The following CDH13 variants were observed in gnomAD, a reference collection of about 807,000 sequenced individuals.
CDH13 encodes cadherin-13.
CDH13 carries 24 observed loss-of-function variants against 63.8 expected under a neutral mutation model. That is an observed-to-expected ratio of 0.38 (90% CI 0.27 to 0.53). The LOEUF (loss-of-function observed/expected upper bound fraction) is 0.53, where lower values mean the gene tolerates loss of function less well. Ranked by LOEUF, CDH13 falls within the 20% of genes least tolerant of loss-of-function variation. The pLI is 0.85. For missense variants in CDH13, 1,049 were observed against 903.1 expected (o/e 1.16, Z -2.07); for synonymous variants, 503 against 355.3 (o/e 1.42, Z -4.67).
At chr16:83,715,383 G>A (rs1028487198) in intron 10 of CDH13, among the ~76,000 whole-genome samples, 4 of 152,156 alleles carry the variant, frequency 2.6e-5, no homozygotes, top group African/African-American at 9.7e-5. Context: ...CCTGGCAGGT[G>A]GTGCCAGGAT....
chr16:83,185,013 C>T (rs2038474626), intron 4 of CDH13, among the ~76,000 whole-genome samples: 1 of 151,572 alleles, frequency 6.6e-6, no homozygotes, highest in African/African-American at 2.4e-5. Context: ...TATACACTTT[C>T]CTCTATCTTT....
At chr16:82,992,180 C>T (rs936789513) in intron 2 of CDH13, among the ~76,000 whole-genome samples, 1 of 152,100 alleles carries the variant, frequency 6.6e-6, no homozygotes, top group African/African-American at 2.4e-5. Context: ...TGAAGTATGT[C>T]CTAGTCCAGC....
In CDH13 at chr16:82,644,597, G is replaced by C. The variant is rs979605464; in HGVS notation, c.45+17460G>C. On this transcript the variant is annotated intron_variant, in intron 1 of 13. Coordinates refer to ENST00000567109, the MANE Select transcript of CDH13 (RefSeq NM_001257.5). This position sits in a 1 kb window ranked among gnomAD's most constrained non-coding sequence, Gnocchi z 5.7. ...GGGGAGGCTTTATGGAGGCAAAGCT[G>C]AGGGGCTGTACGTGTCTTCATAGGT... is the stretch of plus-strand genomic sequence containing the variant. Among the ~76,000 whole-genome samples, 1 of 152,186 alleles carries C rather than the reference G, an allele frequency of 6.6e-6. No individual in the cohort carries two copies. The highest frequency in any genetic ancestry group is 2.4e-5 in the African/African-American group (1 of 41,452).
At chr16:83,526,310 G>T (rs999392819) in intron 7 of CDH13, among the ~76,000 whole-genome samples, 2 of 152,136 alleles carry the variant, frequency 1.3e-5, no homozygotes, top group Non-Finnish European at 2.9e-5. Context: ...TTGTGTTGTA[G>T]CCTCAATCAA....
At chr16:83,475,919 C>A (rs967835165) in intron 6 of CDH13, among the ~76,000 whole-genome samples, 7 of 152,048 alleles carry the variant, frequency 4.6e-5, no homozygotes, top group African/African-American at 1.7e-4. Context: ...AATTGCTGCG[C>A]CTTTGCCCTT....
chr16:83,078,611 C>T (rs1021830244), intron 3 of CDH13, among the ~76,000 whole-genome samples: 4 of 152,120 alleles, frequency 2.6e-5, no homozygotes, highest in African/African-American at 7.2e-5. Flanking sequence ...GGTCCATGGC[C>T]GAGGAGTTGG....
At chr16:83,388,156 A>G (rs2091712176) in intron 6 of CDH13, among the ~76,000 whole-genome samples, 2 of 151,938 alleles carry the variant, frequency 1.3e-5, no homozygotes, top group South Asian at 4.2e-4. Flanking sequence ...TATAATATTT[A>G]AGAATCACAT....
At position 83,433,065 on chromosome 16, in the gene CDH13, A is replaced by G. The variant is rs545252734; in HGVS notation, c.782-53412A>G. 6.6e-5 allele frequency among the ~76,000 whole-genome samples: 10 copies of G among 152,272 alleles called. 1 individual carries two copies. In the East Asian group the frequency reaches 1.5e-3, roughly 24 times the overall value. ...GCTCCCTTGGCTCTCTTACTGTGTCATGCTTCTGGGGAATGAGAGGCACAG... is the reference window on the plus strand; with the variant it reads ...GCTCCCTTGGCTCTCTTACTGTGTCGTGCTTCTGGGGAATGAGAGGCACAG... On this transcript the variant is annotated intron_variant, in intron 6 of 13. Coordinates refer to ENST00000567109, the MANE Select transcript of CDH13 (RefSeq NM_001257.5).
chr16:82,880,196 T>G (rs577960265), intron 2 of CDH13, among the ~76,000 whole-genome samples: 2 of 152,236 alleles, frequency 1.3e-5, no homozygotes, highest in Admixed American at 6.5e-5. Flanking sequence ...TTTTCCACTT[T>G]GCAATGAGAG....
intron 1 of CDH13, among the ~76,000 whole-genome samples, chr16:82,712,228 C>G (rs1402495426): frequency 4.6e-5 from 7 of 152,056 alleles, no homozygotes; most frequent in African/African-American, 1.4e-4. Context: ...TCAAAATGGT[C>G]AATCTTCATT....
chr16:82,780,007 G>T (rs1223802790), intron 1 of CDH13, among the ~76,000 whole-genome samples: 1 of 152,058 alleles, frequency 6.6e-6, no homozygotes, highest in East Asian at 1.9e-4. Flanking sequence ...TTTGTGCCAG[G>T]AGCAAATCCA....
At chr16:83,594,878 A>G (rs1381933676) in intron 7 of CDH13, among the ~76,000 whole-genome samples, 14 of 152,224 alleles carry the variant, frequency 9.2e-5, no homozygotes, top group Admixed American at 9.2e-4. Flanking sequence ...TCTTTTTTCA[A>G]GATGAGATGT....
At chr16:82,680,846 C>T (rs1033697147) in intron 1 of CDH13, among the ~76,000 whole-genome samples, 1 of 152,132 alleles carries the variant, frequency 6.6e-6, no homozygotes, top group Non-Finnish European at 1.5e-5. Context: ...GTGGAGAGGA[C>T]CGCCTAACCT....
intron 1 of CDH13, among the ~76,000 whole-genome samples, chr16:82,628,433 G>C (rs1597157532): frequency 6.6e-6 from 1 of 152,248 alleles, no homozygotes; most frequent in East Asian, 1.9e-4. Flanking sequence ...GGGGAGACTG[G>C]TGCAGACTTC....
chr16:83,290,611 C>T (rs188115177), intron 5 of CDH13, among the ~76,000 whole-genome samples: 4 of 152,236 alleles, frequency 2.6e-5, no homozygotes, highest in Admixed American at 2.6e-4. Context: ...TCAGGTATGT[C>T]TTTATTAGCA....
intron 1 of CDH13, among the ~76,000 whole-genome samples, chr16:82,812,386 G>T (rs35203607): frequency 0.24 from 36,819 of 152,058 alleles, 5,672 homozygotes; most frequent in East Asian, 0.81. Context: ...TGGTCAGCAG[G>T]AAGCCTTGAG....
At chr16:82,653,186 G>A (rs1910929260) in intron 1 of CDH13, among the ~76,000 whole-genome samples, 1 of 152,164 alleles carries the variant, frequency 6.6e-6, no homozygotes, top group Non-Finnish European at 1.5e-5. Flanking sequence ...AAGAAGACAT[G>A]GTGGTGGTAG....
intron 8 of CDH13, among the ~76,000 whole-genome samples, chr16:83,619,764 T>A (rs1453107264): frequency 2.6e-4 from 39 of 152,230 alleles, no homozygotes; most frequent in Admixed American, 2.6e-3. Flanking sequence ...TGTAACTTGA[T>A]TCTCTCTGTC....
At chr16:83,493,394 A>C (rs1027882769) in intron 7 of CDH13, among the ~76,000 whole-genome samples, 1 of 152,242 alleles carries the variant, frequency 6.6e-6, no homozygotes, top group African/African-American at 2.4e-5. Flanking sequence ...ATTGAGCACC[A>C]CAAATGTCTG....
Sources: allele counts gnomAD v4.1 joint callset (sites outside exome capture counted in the v4.1 genomes callset), GRCh38; gene constraint gnomAD v4.1.1; non-coding constraint Gnocchi (gnomAD v3.1); transcripts MANE v1.5; gene names NCBI Gene and HGNC (gene_info 2026-07-23, HGNC 2026-07-21).